Variants in FLNB observed in about 807,000 individuals in gnomAD.
FLNB encodes the protein filamin B.
In FLNB, 111 loss-of-function variants were observed where a neutral mutation model predicts 250.6. That is an observed-to-expected ratio of 0.44 (90% confidence interval 0.38 to 0.52). The LOEUF (loss-of-function observed/expected upper bound fraction) is 0.52. FLNB is among the 20% of genes least tolerant of loss of function. The probability of loss-of-function intolerance (pLI) is 0.00; values close to 1 mark genes in which losing one functional copy is unlikely to be tolerated. For missense variants in FLNB, 2,869 were observed against 3,447.8 expected, an observed-to-expected ratio of 0.83 and a Z score of 4.20; for synonymous variants, 1,302 against 1,372.1, an observed-to-expected ratio of 0.95 and a Z score of 1.13.
rs991755271 is a variant in FLNB, at chr3:58,112,309, C to G, written c.2736C>G (p.Pro912=). The change falls in exon 18 of 46, where the codon CCC becomes CCG. Residue 912 remains proline, a synonymous_variant. Transcript: ENST00000295956. ...ACTCTCACACGGTTAAATATACACC[C>G]ACCCAACAGGTAGGGTCCTTCTCCC... ...YDYSHTVKYT[P]TQQGNMQVLV... The G allele has an allele frequency of 6.2e-7, 1 of 1,613,444 alleles. No individual in the cohort carries two copies. The highest frequency in any genetic ancestry group is 1.3e-5 in the African/African-American group (1 of 75,030).
At chr3:58,014,514 C>T (rs1283594939) in intron 1 of FLNB, among the ~76,000 whole-genome samples, 3 of 152,234 alleles carry the variant, frequency 2.0e-5, no homozygotes, top group African/African-American at 7.2e-5. Flanking sequence ...CGCCTTCGTT[C>T]TTGGAGAGTC....
At chr3:58,073,054 G>GCTCCATC (rs2097196872) in intron 1 of FLNB, among the ~76,000 whole-genome samples, 1 of 152,160 alleles carries the variant, frequency 6.6e-6, no homozygotes, top group Non-Finnish European at 1.5e-5. Flanking sequence ...CCTGTGGCCG[G>GCTCCATC]ATGAGACTTC....
chr3:58,148,987 A>C, intron 36 of FLNB, 135 bp downstream of exon 36: 1 of 800,450 alleles, frequency 1.2e-6, no homozygotes, highest in East Asian at 2.6e-5. Context: ...TTCTGCCTGC[A>C]TTGTCTTTTA....
intron 33 of FLNB, 96 bp downstream of exon 33, chr3:58,146,145 G>A (rs1013794762): frequency 9.9e-6 from 13 of 1,310,532 alleles, no homozygotes; most frequent in Admixed American, 3.7e-5. Context: ...TGAGACAATC[G>A]AATGGTAGTA....
rs780072402 is a variant in FLNB at position 58,149,841 on chromosome 3, G to A, written c.6092-9G>A. On this transcript the variant is annotated splice_polypyrimidine_tract_variant and intron_variant, in intron 36 of 45. Coordinates refer to ENST00000295956, the MANE Select transcript of FLNB (RefSeq NM_001457.4). ...GCTGTCAGAACAGCCTGGGGCTGCT[G>A]TGTTGCAGGTTATGGTGGCATATCC... The A allele has an allele frequency of 8.7e-6, 14 of 1,614,136 alleles. No homozygotes were observed. In the South Asian group the frequency reaches 1.1e-4, roughly 13 times the overall value.
At chr3:58,068,191 T>A (rs1559670599) in intron 1 of FLNB, among the ~76,000 whole-genome samples, 1 of 152,198 alleles carries the variant, frequency 6.6e-6, no homozygotes, top group African/African-American at 2.4e-5. Flanking sequence ...TGACTGACCA[T>A]CTAGGTGGAA....
intron 1 of FLNB, among the ~76,000 whole-genome samples, chr3:58,034,507 A>G (rs2097135335): frequency 6.6e-6 from 1 of 152,006 alleles, no homozygotes; most frequent in Admixed American, 6.6e-5. Context: ...TTTTTACACC[A>G]AGTATCGCAC....
At chr3:58,091,088 A>G (rs7622448) in intron 4 of FLNB, among the ~76,000 whole-genome samples, 66,423 of 151,818 alleles carry the variant, frequency 0.44, 16,179 homozygotes, top group East Asian at 0.92. Flanking sequence ...AAAAAAAAAA[A>G]AAAAAAGTCA....
intron 1 of FLNB, among the ~76,000 whole-genome samples, chr3:58,009,936 TG>T (rs1239813770): frequency 6.6e-6 from 1 of 152,124 alleles, no homozygotes; most frequent in African/African-American, 2.4e-5. Flanking sequence ...ACTGATAGTG[TG>T]GGCTGTGATG....
At chr3:58,106,901 C>T (rs772448331) in intron 12 of FLNB, 28 bp downstream of exon 12, 6 of 1,602,412 alleles carry the variant, frequency 3.7e-6, no homozygotes, top group Non-Finnish European at 5.1e-6. Context: ...CTTCTGTCTT[C>T]TTGTCCCTGG....
At chr3:58,132,650 T>A in intron 25 of FLNB, 158 bp from the exon 26 acceptor site, 1 of 889,254 alleles carries the variant, frequency 1.1e-6, no homozygotes, top group African/African-American at 1.6e-5. Context: ...ATCCTGTGAT[T>A]TTTTTCAGGC....
chr3:58,103,757 G>A (rs1277920551), intron 9 of FLNB, among the ~76,000 whole-genome samples: 2 of 152,164 alleles, frequency 1.3e-5, no homozygotes, highest in Non-Finnish European at 2.9e-5. Context: ...CTCATACCTT[G>A]AAGCAGAGAT....
chr3:58,146,956 G>A lies in FLNB; in HGVS notation c.5691G>A (p.Lys1897=). The A allele has an allele frequency of 6.2e-7, 1 of 1,614,186 alleles. No individual in the cohort carries two copies. Among genetic ancestry groups the A allele is most frequent in the East Asian group, 2.2e-5 (1 of 44,884 alleles). The change falls in exon 34 of 46, where the codon AAG becomes AAA. Residue 1897 remains lysine (K), a synonymous_variant. Coordinates refer to ENST00000295956, the MANE Select transcript of FLNB (RefSeq NM_001457.4). ...GCATTCTGGTCAAGTACAATGACAA[G>A]CACATCCCTGGCAGCCCCTTCACAG... ...DYSILVKYND[K]HIPGSPFTAK...
chr3:58,062,224 A>G (rs997487095), intron 1 of FLNB, among the ~76,000 whole-genome samples: 2 of 152,338 alleles, frequency 1.3e-5, no homozygotes, highest in Admixed American at 1.3e-4. Context: ...ATGCTTCCAG[A>G]TCTTTCTGTT....
At chr3:58,118,807 G>C (rs2097283330) in intron 18 of FLNB, 65 bp from the exon 19 acceptor site, 1 of 1,156,740 alleles carries the variant, frequency 8.6e-7, no homozygotes, top group Non-Finnish European at 1.3e-6. Flanking sequence ...ATCTTGAGGG[G>C]ATTTTAAATG....
chr3:58,072,581 G>A (rs2097196230), intron 1 of FLNB, among the ~76,000 whole-genome samples: 1 of 152,168 alleles, frequency 6.6e-6, no homozygotes. Context: ...TCATGTGGAT[G>A]GGAACCTGGA....
intron 9 of FLNB, 141 bp from the exon 10 acceptor site, chr3:58,103,817 TC>T: frequency 1.1e-6 from 1 of 893,174 alleles, no homozygotes; most frequent in Non-Finnish European, 1.9e-6. Context: ...AGGGGAGAGG[TC>T]CCATACTCTG....
intron 24 of FLNB, among the ~76,000 whole-genome samples, chr3:58,128,082 G>T (rs944369561): frequency 2.0e-5 from 3 of 152,188 alleles, no homozygotes; most frequent in Non-Finnish European, 4.4e-5. Flanking sequence ...AGCAGAAAGA[G>T]CCTCAGCGGG....
At chr3:58,047,009 A>G (rs527864573) in intron 1 of FLNB, among the ~76,000 whole-genome samples, 4 of 152,332 alleles carry the variant, frequency 2.6e-5, no homozygotes, top group African/African-American at 7.2e-5. Flanking sequence ...TTGAATTTTC[A>G]AATAAAGCTT....
Sources: allele counts gnomAD v4.1 joint callset (sites outside exome capture counted in the v4.1 genomes callset), GRCh38; gene constraint gnomAD v4.1.1; transcripts MANE v1.5; gene names NCBI Gene and HGNC (gene_info 2026-07-23, HGNC 2026-07-21).